The following FBXW11 variants were observed in gnomAD, a reference collection of about 807,000 sequenced individuals.
The protein encoded by FBXW11 is F-box/WD repeat-containing protein 11.
Under a neutral mutation model 77.6 loss-of-function variants are expected in FBXW11, and 19 were observed. The ratio of observed to expected loss-of-function variants is 0.24; its 90% CI spans 0.17 to 0.36. FBXW11 has a LOEUF of 0.36. FBXW11 is among the 10% of genes least tolerant of loss of function. FBXW11 has a pLI of 1.00. For synonymous variants in FBXW11, 235 were observed against 249.4 expected (o/e 0.94, Z 0.54); for missense variants, 334 against 704.2 (o/e 0.47, Z 5.95).
Position 171,876,578 on chromosome 5 carries a change from C to T in FBXW11, c.972-44G>A, listed in dbSNP as rs1758097941. 6.3e-7 allele frequency: 1 copy of T among 1,597,984 alleles called. No individual in the cohort carries two copies. Among genetic ancestry groups the T allele is most frequent in the South Asian group, 1.1e-5 (1 of 89,684 alleles). ...GCATGATGCTTAATTATGGAGACAG[C>T]CAGGAAATGATTCTGGTATCTGAGC... On this transcript the variant is annotated intron_variant, in intron 8 of 13. Coordinates refer to ENST00000517395, the MANE Select transcript of FBXW11 (RefSeq NM_001378974.1). The surrounding 1 kb of genome is among the most constrained non-coding windows in gnomAD (Gnocchi z 4.2).
At chr5:171,987,445 T>G (rs962014937) in intron 1 of FBXW11, among the ~76,000 whole-genome samples, 8 of 151,512 alleles carry the variant, frequency 5.3e-5, no homozygotes, top group South Asian at 4.2e-4. Context: ...TTTTTTTGGG[T>G]TTTTTTTGTT....
At chr5:171,956,334 T>C (rs1763610962) in intron 2 of FBXW11, among the ~76,000 whole-genome samples, 1 of 152,162 alleles carries the variant, frequency 6.6e-6, no homozygotes, top group African/African-American at 2.4e-5. Context: ...TAAACATATA[T>C]TCATTACACT....
At chr5:171,881,072 TAAC>T (rs1235109626) in intron 7 of FBXW11, among the ~76,000 whole-genome samples, 1 of 152,220 alleles carries the variant, frequency 6.6e-6, no homozygotes, top group African/African-American at 2.4e-5. Flanking sequence ...TTAAGTATAT[TAAC>T]CTTGTATCCG....
At position 171,913,047 on chromosome 5, in the gene FBXW11, G is replaced by A. The variant is rs529143931; in HGVS notation, c.210+1296C>T. Among the ~76,000 whole-genome samples, 3 of 152,170 alleles carry A rather than the reference G, an allele frequency of 2.0e-5. No homozygotes were observed. In the East Asian group the frequency reaches 5.8e-4, roughly 29 times the overall value. On this transcript the variant is annotated intron_variant, in intron 3 of 13. Coordinates refer to ENST00000517395, the MANE Select transcript of FBXW11 (RefSeq NM_001378974.1). ...GACAAGGGGAACACACCATGACAGAGTAAAGGATATACATCAAAATCTCAA... is the reference window on the plus strand; with the variant it reads ...GACAAGGGGAACACACCATGACAGAATAAAGGATATACATCAAAATCTCAA...
chr5:171,878,078 C>T lies in FBXW11; in HGVS notation c.904G>A (p.Gly302Ser). The change falls in exon 8 of 14, where the codon GGC (glycine) becomes AGC (serine). Residue 302 changes from glycine (G) to serine (S), a missense_variant. Coordinates refer to ENST00000517395, the MANE Select transcript of FBXW11 (RefSeq NM_001378974.1). ...TCATACTGCAGACAGAGGACAGAGC[C>T]TGTGTGTCCTGTTAACACTTTCAAA... is the stretch of plus-strand genomic sequence containing the variant. ...ECLKVLTGHTGSVLCLQYDER... is the reference protein window; with the variant it reads ...ECLKVLTGHTSSVLCLQYDER... The T allele has an allele frequency of 6.2e-7, 1 of 1,614,060 alleles. No homozygotes were observed. Among genetic ancestry groups the T allele is most frequent in the Non-Finnish European group, 8.5e-7 (1 of 1,179,968 alleles).
chr5:171,884,633 A>C (rs1357244136), intron 7 of FBXW11, among the ~76,000 whole-genome samples: 2 of 152,160 alleles, frequency 1.3e-5, no homozygotes, highest in Non-Finnish European at 2.9e-5. Context: ...TCGTATTTTG[A>C]CAGGGACTGC....
In FBXW11 at chr5:171,862,448, T is replaced by TA. The variant is rs1338551334; in HGVS notation, c.*1678dup. On this transcript the variant is annotated 3_prime_UTR_variant, in exon 14 of 14. Coordinates refer to ENST00000517395, the MANE Select transcript of FBXW11 (RefSeq NM_001378974.1). The stretch of plus-strand genomic sequence containing the variant: ...TCAGAGCCCAGGGCCTTCCCTTTAG[T>TA]AGTAGAGTGTGCTTCCACGGGAAGA... The TA allele has an allele frequency of 6.6e-6, 1 of 152,592 alleles. No homozygotes were observed. Among genetic ancestry groups the TA allele is most frequent in the African/African-American group, 2.4e-5 (1 of 41,430 alleles). The allele number at this position is 152,592 out of a possible 1,614,324, so 9.5% of individuals were successfully genotyped here.
At position 171,878,047 on chromosome 5, in the gene FBXW11, C is replaced by T. The variant is rs371361753; in HGVS notation, c.935G>A (p.Arg312His). 4.8e-5 allele frequency: 77 copies of T among 1,613,934 alleles called. No individual in the cohort carries two copies. The highest frequency in any genetic ancestry group is 5.7e-5 in the Non-Finnish European group (67 of 1,179,844). ...ATCTGAAGAGCCAGTTACAATGACA[C>T]GCTCATCATACTGCAGACAGAGGAC... Reference protein sequence around the residue: ...GSVLCLQYDERVIVTGSSDST... With the variant: ...GSVLCLQYDEHVIVTGSSDST... Residue 312 changes from arginine to histidine, a missense_variant, in exon 8 of 14, where the codon CGT (arginine) becomes CAT (histidine). Transcript: ENST00000517395.
chr5:171,899,733 C>T (rs1193383313), intron 5 of FBXW11, among the ~76,000 whole-genome samples, 181 bp downstream of exon 5: 3 of 152,120 alleles, frequency 2.0e-5, no homozygotes, highest in Non-Finnish European at 4.4e-5. Flanking sequence ...AAAGGAAATA[C>T]ACATTTCAGA....
At chr5:171,878,769 A>G (rs886207159) in intron 7 of FBXW11, among the ~76,000 whole-genome samples, 45 of 152,088 alleles carry the variant, frequency 3.0e-4, no homozygotes, top group African/African-American at 1.1e-3. Flanking sequence ...GGCCTGGGCA[A>G]CAAAGCAGGA....
At chr5:171,913,457 T>G (rs1761010781) in intron 3 of FBXW11, among the ~76,000 whole-genome samples, 1 of 152,114 alleles carries the variant, frequency 6.6e-6, no homozygotes, top group Non-Finnish European at 1.5e-5. Context: ...GGTACAAAAC[T>G]CAGTCTGTAC....
At chr5:171,989,677 A>T (rs926878846) in intron 1 of FBXW11, among the ~76,000 whole-genome samples, 2 of 152,236 alleles carry the variant, frequency 1.3e-5, no homozygotes, top group Non-Finnish European at 2.9e-5. Context: ...CTGTTCTTAA[A>T]AAAGAGTACA....
At chr5:171,957,780 G>T in intron 1 of FBXW11, 82 bp from the exon 2 acceptor site, 1 of 1,175,512 alleles carries the variant, frequency 8.5e-7, no homozygotes, top group Non-Finnish European at 1.3e-6. Context: ...CAACTTGAAT[G>T]TTAGTTGGGG....
chr5:171,975,075 T>C (rs1225056399), intron 1 of FBXW11, among the ~76,000 whole-genome samples: 1 of 152,132 alleles, frequency 6.6e-6, no homozygotes, highest in Non-Finnish European at 1.5e-5. Context: ...ATTACAGGCG[T>C]GAGCCACCAC....
In FBXW11 at chr5:171,896,465, C is replaced by T. The variant is rs138536530; in HGVS notation, c.714+2539G>A. Among the ~76,000 whole-genome samples, 317 of 152,180 alleles carry T rather than the reference C, an allele frequency of 2.1e-3. 1 individual carries two copies. Among genetic ancestry groups the T allele is most frequent in the Non-Finnish European group, 3.6e-3 (243 of 67,996 alleles). Reference sequence around the variant, plus strand: ...ATCTTAACTCATACCCTTTTTTCAACGAACAGTCAAGGACACTGCGTATTC... The same window carrying T: ...ATCTTAACTCATACCCTTTTTTCAATGAACAGTCAAGGACACTGCGTATTC... On this transcript the variant is annotated intron_variant, in intron 6 of 13. Transcript: ENST00000517395.
intron 10 of FBXW11, among the ~76,000 whole-genome samples, chr5:171,871,852 T>C (rs1344488775): frequency 1.3e-5 from 2 of 152,234 alleles, no homozygotes; most frequent in African/African-American, 4.8e-5. Context: ...ACTGCCACTA[T>C]GACTCCAAAG....
rs919707591 is a variant in FBXW11 at position 171,916,917 on chromosome 5, TTTTTG to T, written c.148-2517_148-2513del. On this transcript the variant is annotated intron_variant, in intron 2 of 13. Transcript: ENST00000517395. ...TTTGTTTTCTGTTTTTTGTGGGGTT[TTTTTG>T]TTTTGTTTTGTTTTTTAAATACGGA... Among the ~76,000 whole-genome samples, 2 of 152,034 alleles carry T rather than the reference TTTTTG, an allele frequency of 1.3e-5. 1 individual carries two copies. The highest frequency in any genetic ancestry group is 4.1e-4 in the South Asian group (2 of 4,824).
chr5:171,950,009 T>A (rs1299972579), intron 2 of FBXW11, among the ~76,000 whole-genome samples: 2 of 152,162 alleles, frequency 1.3e-5, no homozygotes, highest in Admixed American at 6.5e-5. Flanking sequence ...TAACTCCACA[T>A]GGCTTAAAAT....
chr5:171,983,739 A>T (rs1452845068), intron 1 of FBXW11, among the ~76,000 whole-genome samples: 1 of 152,176 alleles, frequency 6.6e-6, no homozygotes, highest in East Asian at 1.9e-4. Flanking sequence ...GTTTTTCCCA[A>T]AACAAGCAGT....
Sources: gnomAD v4.1 joint callset for allele counts (sites outside exome capture counted in the v4.1 genomes callset) on GRCh38, gnomAD v4.1.1 for gene constraint, Gnocchi (gnomAD v3.1) non-coding constraint, MANE v1.5 for transcripts, NCBI Gene and HGNC (gene_info 2026-07-23, HGNC 2026-07-21) for gene names.